MRPS34: variants seen among roughly 807,000 people sequenced by gnomAD.
MRPS34 encodes mitochondrial ribosomal protein S34, also known as small ribosomal subunit protein mS34.
Under a neutral mutation model 13.3 loss-of-function variants are expected in MRPS34, and 12 were observed. The ratio of observed to expected loss-of-function variants is 0.90; its 90% CI spans 0.58 to 1.46. The LOEUF (loss-of-function observed/expected upper bound fraction) is 1.46. Among genes scored for constraint, MRPS34 ranks in the 40% most tolerant of loss-of-function variants. The pLI is 0.00. For synonymous variants in MRPS34, 181 were observed against 149.3 expected (o/e 1.21, Z -1.55); for missense variants, 419 against 335.3 (o/e 1.25, Z -1.95).
chr16:1,772,015 T>G lies in MRPS34; in HGVS notation c.*206A>C. On this transcript the variant is annotated 3_prime_UTR_variant, in exon 3 of 3. Coordinates refer to ENST00000397375, the MANE Select transcript of MRPS34 (RefSeq NM_023936.2). ...CCCAGCGTGGGCCCTCGGAGTTGGG[T>G]GTGGGGGCAGCAGGGCCAGAGGAAA... The G allele has an allele frequency of 1.6e-6, 1 of 607,374 alleles. No individual in the cohort carries two copies. The highest frequency in any genetic ancestry group is 2.9e-6 in the Non-Finnish European group (1 of 345,808). The allele number at this position is 607,374 out of a possible 1,614,324, so 37.6% of individuals were successfully genotyped here.
Position 1,772,661 on chromosome 16 carries a change from G to C in MRPS34, c.322-15C>G. 6.2e-7 allele frequency: 1 copy of C among 1,602,894 alleles called. No homozygotes were observed. The highest frequency in any genetic ancestry group is 8.5e-7 in the Non-Finnish European group (1 of 1,179,580). The stretch of plus-strand genomic sequence containing the variant: ...TGGTCCAAGTTCTGCAAAGCCAGAA[G>C]GAAGCGGGGTCAGCTCGCAAAGCTC... On this transcript the variant is annotated splice_polypyrimidine_tract_variant and intron_variant, in intron 1 of 2. Coordinates refer to ENST00000397375, the MANE Select transcript of MRPS34 (RefSeq NM_023936.2).
Position 1,772,336 on chromosome 16 carries a change from T to C in MRPS34, c.542A>G (p.Asn181Ser), listed in dbSNP as rs1280008747. 2 of 1,613,018 alleles carry C rather than the reference T, an allele frequency of 1.2e-6. No homozygotes were observed. Among genetic ancestry groups the C allele is most frequent in the Admixed American group, 3.3e-5 (2 of 60,030 alleles). The change falls in exon 3 of 3, where the codon AAT becomes AGT. Residue 181 changes from asparagine (N) to serine (S), a missense_variant. Transcript: ENST00000397375. The stretch of plus-strand genomic sequence containing the variant: ...GGGCTCCTCGGTGCTTGTGTCTCCA[T>C]TTTTCTGTCGTTCTGCGATAATCAT... ...RAMIIAERQK[N>S]GDTSTEEPML...
chr16:1,772,850 G>T lies in MRPS34; in HGVS notation c.270C>A (p.Asp90Glu). The part of the protein sequence containing the change: ...VTRKSWLWQH[D>E]EPCYWRLTRV... ...GCGTGAGGCGCCAGTAGCACGGCTC[G>T]TCGTGCTGCCACAGCCAGGACTTGC... Residue 90 changes from aspartate to glutamate, a missense_variant, in exon 1 of 3, where the codon GAC becomes GAA. Coordinates refer to ENST00000397375, the MANE Select transcript of MRPS34 (RefSeq NM_023936.2). 3 of 1,444,116 alleles carry T rather than the reference G, an allele frequency of 2.1e-6. No homozygotes were observed. The highest frequency in any genetic ancestry group is 1.8e-6 in the Non-Finnish European group (2 of 1,103,608). The allele number at this position is 1,444,116 out of a possible 1,614,324, so 89.5% of individuals were successfully genotyped here.
chr16:1,772,789 G>C lies in MRPS34; in HGVS notation c.321+10C>G. On this transcript the variant is annotated intron_variant, in intron 1 of 2. Coordinates refer to ENST00000397375, the MANE Select transcript of MRPS34 (RefSeq NM_023936.2). ...GCTGCAGGGGCGGGGTGCGGACGGG[G>C]TGCACGCACCTGCGCCGTGTAGTCG... 1 of 1,393,792 alleles carries C rather than the reference G, an allele frequency of 7.2e-7. No individual in the cohort carries two copies. Among genetic ancestry groups the C allele is most frequent in the Non-Finnish European group, 9.5e-7 (1 of 1,052,934 alleles). 86.3% of individuals were successfully genotyped at this position (1,393,792 alleles called of 1,614,324 possible). A position where few individuals can be genotyped will look rare whatever the true frequency, so the allele number is the denominator to read the frequency against.
chr16:1,772,045 C>T lies in MRPS34; in HGVS notation c.*176G>A. On this transcript the variant is annotated 3_prime_UTR_variant, in exon 3 of 3. Transcript: ENST00000397375. ...GGGCAGCAGGGCCAGAGGAAAGGCA[C>T]AGGTGGCGATTTGCCCCAGCCCTCC... 1 of 691,960 alleles carries T rather than the reference C, an allele frequency of 1.4e-6. No individual in the cohort carries two copies. The highest frequency in any genetic ancestry group is 2.6e-5 in the East Asian group (1 of 38,162). 42.9% of individuals were successfully genotyped at this position (691,960 alleles called of 1,614,324 possible).
In MRPS34 at chr16:1,773,023, G is replaced by T. The variant is rs11552431; in HGVS notation, c.97C>A (p.Leu33Ile). Residue 33 changes from leucine to isoleucine, a missense_variant, in exon 1 of 3, where the codon CTC becomes ATC. Physicochemically the swap from Leu to Ile is conservative, Grantham distance 5. Coordinates refer to ENST00000397375, the MANE Select transcript of MRPS34 (RefSeq NM_023936.2). ...EQLNRPRDSQ[L>I]YAVDYETLTR... ...AAGGTCTCGTAGTCCACCGCGTAGA[G>T]CTGGGAGTCGCGCGGCCTGTTCAGT... 180,879 of 1,445,648 alleles carry T rather than the reference G, an allele frequency of 0.13. 12,496 individuals carry two copies. The highest frequency in any genetic ancestry group is 0.27 in the East Asian group (9,699 of 35,592). The allele number at this position is 1,445,648 out of a possible 1,614,324, so 89.6% of individuals were successfully genotyped here.
chr16:1,772,675 C>G, intron 1 of MRPS34, 29 bp from the exon 2 acceptor site: 9 of 1,597,556 alleles, frequency 5.6e-6, no homozygotes, highest in Non-Finnish European at 7.6e-6. Flanking sequence ...GCGGGGTCAG[C>G]TCGCAAAGCT....
Position 1,773,112 on chromosome 16 carries a change from C to G in MRPS34, c.8G>C (p.Arg3Pro). 1 of 1,395,294 alleles carries G rather than the reference C, an allele frequency of 7.2e-7. No individual in the cohort carries two copies. The allele number at this position is 1,395,294 out of a possible 1,614,324, so 86.4% of individuals were successfully genotyped here. The change falls in exon 1 of 3, where the codon CGG becomes CCG. Residue 3 changes from arginine (R) to proline (P), a missense_variant. Transcript: ENST00000397375. MA[R>P]KKVRPRLIAE... ...GATCAGCCGCGGACGCACCTTCTTC[C>G]GCGCCATGGCGGGTCCGCGTCCTCA...
Position 1,772,514 on chromosome 16 carries a change from C to T in MRPS34, c.365-1G>A, listed in dbSNP as rs2042635920. ...TCCCGCGCCTCGCTCTCAGTCTTCC[C>T]TGATGAAGAAAAAGAGGCGTCTGCA... On this transcript the variant is annotated splice_acceptor_variant, in intron 2 of 2. Coordinates refer to ENST00000397375, the MANE Select transcript of MRPS34 (RefSeq NM_023936.2). LOFTEE classifies it high-confidence loss of function. 6.2e-7 allele frequency: 1 copy of T among 1,611,074 alleles called. No individual in the cohort carries two copies. Among genetic ancestry groups the T allele is most frequent in the Non-Finnish European group, 8.5e-7 (1 of 1,178,688 alleles).
Position 1,772,897 on chromosome 16 carries a change from C to G in MRPS34, c.223G>C (p.Gly75Arg). ...LQLLGRLPLFGLGRLVTRKSW... is the reference protein window; with the variant it reads ...LQLLGRLPLFRLGRLVTRKSW... ...TTGCGCGTGACCAGGCGGCCCAGGC[C>G]GAAGAGCGGGAGGCGGCCGAGCAGC... The change falls in exon 1 of 3, where the codon GGC (glycine) becomes CGC (arginine). Residue 75 changes from glycine (G) to arginine (R), a missense_variant. Physicochemically the swap from Gly to Arg is moderately radical, Grantham distance 125 (BLOSUM62 -2). Transcript: ENST00000397375. The G allele has an allele frequency of 1.4e-6, 2 of 1,452,120 alleles. No individual in the cohort carries two copies. The highest frequency in any genetic ancestry group is 1.8e-6 in the Non-Finnish European group (2 of 1,109,264). 90.0% of individuals were successfully genotyped at this position (1,452,120 alleles called of 1,614,324 possible). A position where few individuals can be genotyped will look rare whatever the true frequency, so the allele number is the denominator to read the frequency against.
Position 1,772,244 on chromosome 16 carries a change from T to G in MRPS34, c.634A>C (p.Arg212=), listed in dbSNP as rs1391456154. 1.2e-6 allele frequency: 2 copies of G among 1,609,332 alleles called. No homozygotes were observed. Among genetic ancestry groups the G allele is most frequent in the Non-Finnish European group, 8.5e-7 (1 of 1,179,118 alleles). ...TTCTAGACGGGGGTGCCCTTGGCCC[T>G]TCCTTTGTCTTCCTGTTTTGCAGGG... ...DYPAKQEDKG[R]AKGTPV Residue 212 remains arginine, a synonymous_variant, in exon 3 of 3, where the codon AGG becomes CGG. Coordinates refer to ENST00000397375, the MANE Select transcript of MRPS34 (RefSeq NM_023936.2).
At position 1,772,526 on chromosome 16, in the gene MRPS34, A is replaced by C. The variant is rs1434177304; in HGVS notation, c.365-13T>G. 1 of 1,610,804 alleles carries C rather than the reference A, an allele frequency of 6.2e-7. No individual in the cohort carries two copies. Among genetic ancestry groups the C allele is most frequent in the South Asian group, 1.1e-5 (1 of 91,054 alleles). On this transcript the variant is annotated splice_polypyrimidine_tract_variant and intron_variant, in intron 2 of 2. Transcript: ENST00000397375. ...CTCTCAGTCTTCCCTGATGAAGAAAAAGAGGCGTCTGCACACACTTGCTGT... is the reference window on the plus strand; with the variant it reads ...CTCTCAGTCTTCCCTGATGAAGAAACAGAGGCGTCTGCACACACTTGCTGT...
rs751682594 is a variant in MRPS34 at position 1,772,516 on chromosome 16, G to A, written c.365-3C>T. 2 of 1,610,616 alleles carry A rather than the reference G, an allele frequency of 1.2e-6. No individual in the cohort carries two copies. Among genetic ancestry groups the A allele is most frequent in the Non-Finnish European group, 1.7e-6 (2 of 1,178,490 alleles). Reference sequence around the variant, plus strand: ...CCGCGCCTCGCTCTCAGTCTTCCCTGATGAAGAAAAAGAGGCGTCTGCACA... The same window carrying A: ...CCGCGCCTCGCTCTCAGTCTTCCCTAATGAAGAAAAAGAGGCGTCTGCACA... On this transcript the variant is annotated splice_polypyrimidine_tract_variant and splice_region_variant and intron_variant, in intron 2 of 2. Coordinates refer to ENST00000397375, the MANE Select transcript of MRPS34 (RefSeq NM_023936.2).
At chr16:1,772,564 C>T in intron 2 of MRPS34, 40 bp downstream of exon 2, 3 of 1,612,336 alleles carry the variant, frequency 1.9e-6, no homozygotes, top group South Asian at 1.1e-5. Context: ...CGTCGGCGGT[C>T]GGCATCGAAC....
Position 1,772,090 on chromosome 16 carries a change from C to T in MRPS34, c.*131G>A. 3 of 977,830 alleles carry T rather than the reference C, an allele frequency of 3.1e-6. No homozygotes were observed. Among genetic ancestry groups the T allele is most frequent in the Non-Finnish European group, 4.6e-6 (3 of 653,688 alleles). The allele number at this position is 977,830 out of a possible 1,614,324, so 60.6% of individuals were successfully genotyped here. On this transcript the variant is annotated 3_prime_UTR_variant, in exon 3 of 3. Coordinates refer to ENST00000397375, the MANE Select transcript of MRPS34 (RefSeq NM_023936.2). ...CCCTCCCCCCTAAGATGCAGACCCT[C>T]AGAACACGTCGCGGAAGGTGAGCTC...
In MRPS34 at chr16:1,772,892, C is replaced by T; in HGVS notation, c.228G>A (p.Leu76=). The change falls in exon 1 of 3, where the codon CTG becomes CTA. Residue 76 remains leucine (L), a synonymous_variant. Transcript: ENST00000397375. ...AGGACTTGCGCGTGACCAGGCGGCC[C>T]AGGCCGAAGAGCGGGAGGCGGCCGA... ...QLLGRLPLFG[L]GRLVTRKSWL... The T allele has an allele frequency of 6.9e-7, 1 of 1,453,426 alleles. No individual in the cohort carries two copies. The highest frequency in any genetic ancestry group is 9.0e-7 in the Non-Finnish European group (1 of 1,110,000). 90.0% of individuals were successfully genotyped at this position (1,453,426 alleles called of 1,614,324 possible). A position where few individuals can be genotyped will look rare whatever the true frequency, so the allele number is the denominator to read the frequency against.
rs975567721 is a variant in MRPS34 at position 1,772,884 on chromosome 16, A to C, written c.236T>G (p.Leu79Arg). 32 of 1,452,160 alleles carry C rather than the reference A, an allele frequency of 2.2e-5. No homozygotes were observed. The highest frequency in any genetic ancestry group is 2.8e-5 in the Non-Finnish European group (31 of 1,109,784). The allele number at this position is 1,452,160 out of a possible 1,614,324, so 90.0% of individuals were successfully genotyped here. A position where few individuals can be genotyped will look rare whatever the true frequency, so the allele number is the denominator to read the frequency against. The stretch of plus-strand genomic sequence containing the variant: ...CCACAGCCAGGACTTGCGCGTGACC[A>C]GGCGGCCCAGGCCGAAGAGCGGGAG... Reference protein sequence around the residue: ...GRLPLFGLGRLVTRKSWLWQH... With the variant: ...GRLPLFGLGRRVTRKSWLWQH... The change falls in exon 1 of 3, where the codon CTG (leucine) becomes CGG (arginine). Residue 79 changes from leucine (L) to arginine (R), a missense_variant. Coordinates refer to ENST00000397375, the MANE Select transcript of MRPS34 (RefSeq NM_023936.2).
chr16:1,772,008 A>T lies in MRPS34; in HGVS notation c.*213T>A. The T allele has an allele frequency of 3.4e-6, 2 of 596,502 alleles. No homozygotes were observed. The allele number at this position is 596,502 out of a possible 1,614,324, so 37.0% of individuals were successfully genotyped here. ...CGCTTTCCCCAGCGTGGGCCCTCGG[A>T]GTTGGGTGTGGGGGCAGCAGGGCCA... is the stretch of plus-strand genomic sequence containing the variant. On this transcript the variant is annotated 3_prime_UTR_variant, in exon 3 of 3. Coordinates refer to ENST00000397375, the MANE Select transcript of MRPS34 (RefSeq NM_023936.2).
chr16:1,772,291 A>C lies in MRPS34; in HGVS notation c.587T>G (p.Ile196Arg), dbSNP rs780168141. The C allele has an allele frequency of 6.2e-7, 1 of 1,612,904 alleles. No individual in the cohort carries two copies. Among genetic ancestry groups the C allele is most frequent in the South Asian group, 1.1e-5 (1 of 91,080 alleles). The part of the protein sequence containing the change: ...TEEPMLNVQR[I>R]RMEPWDYPAK... Reference sequence around the variant, plus strand: ...AGGGTAATCCCAGGGTTCCATGCGTATCCTCTGCACATTCAGCATGGGCTC... The same window carrying C: ...AGGGTAATCCCAGGGTTCCATGCGTCTCCTCTGCACATTCAGCATGGGCTC... Residue 196 changes from isoleucine to arginine, a missense_variant, in exon 3 of 3, where the codon ATA becomes AGA. Physicochemically the swap from Ile to Arg is moderately conservative, Grantham distance 97. Coordinates refer to ENST00000397375, the MANE Select transcript of MRPS34 (RefSeq NM_023936.2).
Sources: allele counts gnomAD v4.1 joint callset, GRCh38; gene constraint gnomAD v4.1.1; transcripts MANE v1.5; gene names NCBI Gene and HGNC (gene_info 2026-07-23, HGNC 2026-07-21).